The following TBCD variants were observed in gnomAD, a reference collection of about 807,000 sequenced individuals.
The protein encoded by TBCD is tubulin folding cofactor D.
A neutral mutation model predicts 169.3 loss-of-function variants in TBCD; 105 were observed. The ratio of observed to expected loss-of-function variants is 0.62; its 90% CI spans 0.53 to 0.73. The LOEUF (loss-of-function observed/expected upper bound fraction) is 0.73. TBCD is among the 30% of genes least tolerant of loss of function. The pLI, the probability that TBCD is intolerant of heterozygous loss-of-function variation, is 0.00. For missense variants in TBCD, 1,444 were observed against 1,600.1 expected (o/e 0.90, Z 1.66); for synonymous variants, 700 against 643.9 (o/e 1.09, Z -1.32).
intron 14 of TBCD, among the ~76,000 whole-genome samples, chr17:82,871,111 G>T (rs1004243032): frequency 6.6e-6 from 1 of 152,224 alleles, no homozygotes; most frequent in Non-Finnish European, 1.5e-5. Context: ...GAAGCTGTGC[G>T]GCCTGTGGCG....
At chr17:82,772,310 C>T in intron 5 of TBCD, 142 bp from the exon 6 acceptor site, 1 of 809,662 alleles carries the variant, frequency 1.2e-6, no homozygotes, top group Non-Finnish European at 2.1e-6. Flanking sequence ...TTTTTTGCAG[C>T]TTTGGACTTA....
chr17:82,816,173 G>A (rs914432396), intron 13 of TBCD, among the ~76,000 whole-genome samples: 3 of 152,120 alleles, frequency 2.0e-5, no homozygotes, highest in South Asian at 2.1e-4. Context: ...TTTGGCGTCC[G>A]AATTCTTCGG....
chr17:82,841,799 A>G (rs1040805563), intron 13 of TBCD, among the ~76,000 whole-genome samples: 2 of 152,022 alleles, frequency 1.3e-5, no homozygotes, highest in Non-Finnish European at 2.9e-5. Flanking sequence ...TCCGTGGGAG[A>G]AAGCTGGCAG....
chr17:82,920,958 C>A lies in TBCD; in HGVS notation c.2101+340C>A. 3.1e-6 allele frequency: 1 copy of A among 324,676 alleles called. No individual in the cohort carries two copies. The allele number at this position is 324,676 out of a possible 1,614,324, so 20.1% of individuals were successfully genotyped here. A position where few individuals can be genotyped will look rare whatever the true frequency, so the allele number is the denominator to read the frequency against. On this transcript the variant is annotated intron_variant, in intron 24 of 38. Coordinates refer to ENST00000355528, the MANE Select transcript of TBCD (RefSeq NM_005993.5). This position sits in a 1 kb window ranked among gnomAD's most constrained non-coding sequence, Gnocchi z 4.1. ...AGGCCCTCGTGGACCAGGAGCGTGCCGGCCGCCGACACCACGGACCCTGTG... is the reference window on the plus strand; with the variant it reads ...AGGCCCTCGTGGACCAGGAGCGTGCAGGCCGCCGACACCACGGACCCTGTG...
intron 36 of TBCD, among the ~76,000 whole-genome samples, chr17:82,938,620 C>T (rs1313994842): frequency 6.6e-6 from 1 of 152,242 alleles, no homozygotes; most frequent in African/African-American, 2.4e-5. Context: ...GGCTTGGCAC[C>T]TCTGGGGCTT....
intron 13 of TBCD, among the ~76,000 whole-genome samples, chr17:82,847,660 C>CA (rs1478905913): frequency 6.6e-6 from 1 of 152,276 alleles, no homozygotes; most frequent in East Asian, 1.9e-4. Flanking sequence ...CTTTTTGAGA[C>CA]AGAGTCTTGC....
At chr17:82,836,983 G>A (rs993013624) in intron 13 of TBCD, among the ~76,000 whole-genome samples, 1 of 152,164 alleles carries the variant, frequency 6.6e-6, no homozygotes, top group Admixed American at 6.5e-5. Flanking sequence ...AATTGGTGTC[G>A]ATATGGAGTC....
intron 7 of TBCD, chr17:82,795,696 G>A (rs182572051): frequency 1.8e-5 from 14 of 775,858 alleles, no homozygotes; most frequent in African/African-American, 1.1e-4. Flanking sequence ...TGCGTGGATC[G>A]ATTCTGTGGC....
intron 13 of TBCD, among the ~76,000 whole-genome samples, chr17:82,827,786 C>T (rs1244484547): frequency 6.6e-6 from 1 of 151,172 alleles, no homozygotes; most frequent in Non-Finnish European, 1.5e-5. Context: ...GATATGTACA[C>T]GTGGACACCC....
intron 13 of TBCD, among the ~76,000 whole-genome samples, chr17:82,856,077 A>AG (rs2056258829): frequency 7.7e-6 from 1 of 129,158 alleles, no homozygotes; most frequent in South Asian, 2.4e-4. Flanking sequence ...GCCTCAAATG[A>AG]TCCTCTCATC....
At chr17:82,851,712 G>A (rs1009328515) in intron 13 of TBCD, among the ~76,000 whole-genome samples, 1 of 152,230 alleles carries the variant, frequency 6.6e-6, no homozygotes, top group African/African-American at 2.4e-5. Flanking sequence ...CTCTTCGAGA[G>A]GGCTGATGGG....
intron 13 of TBCD, among the ~76,000 whole-genome samples, chr17:82,861,847 A>G (rs2056791731): frequency 6.6e-6 from 1 of 152,210 alleles, no homozygotes; most frequent in Non-Finnish European, 1.5e-5. Flanking sequence ...TTAGAAAGTA[A>G]GGTGCTTTCA....
At chr17:82,879,196 G>A (rs750219982) in intron 14 of TBCD, among the ~76,000 whole-genome samples, 2 of 150,884 alleles carry the variant, frequency 1.3e-5, no homozygotes, top group East Asian at 1.9e-4. Context: ...ACATCCTCTC[G>A]GTGGAGAACA....
intron 13 of TBCD, among the ~76,000 whole-genome samples, chr17:82,827,999 A>G (rs8067667): frequency 0.24 from 36,348 of 148,872 alleles, 4,581 homozygotes; most frequent in East Asian, 0.46. Context: ...AATCGAACGC[A>G]CACACACCTG....
chr17:82,803,044 T>C (rs146565094), intron 9 of TBCD, among the ~76,000 whole-genome samples: 1 of 152,378 alleles, frequency 6.6e-6, no homozygotes, highest in African/African-American at 2.4e-5. Flanking sequence ...TCTAACTTTT[T>C]TCCATTTTTA....
rs1352212827 is a variant in TBCD, at chr17:82,806,847, C to T, written c.1088-761C>T. ...TGACCTTTGCTTCTCAGAGCCCTCC[C>T]TGGTTGCGTGGTAGGCGCCCGCATC... On this transcript the variant is annotated intron_variant, in intron 10 of 38. Coordinates refer to ENST00000355528, the MANE Select transcript of TBCD (RefSeq NM_005993.5). The surrounding 1 kb of genome is among the most constrained non-coding windows in gnomAD (Gnocchi z 5.1). 6.6e-6 allele frequency among the ~76,000 whole-genome samples: 1 copy of T among 152,216 alleles called. No homozygotes were observed. Among genetic ancestry groups the T allele is most frequent in the East Asian group, 1.9e-4 (1 of 5,182 alleles).
rs892201931 is a variant in TBCD, at chr17:82,930,841, C to G, written c.3113+198C>G. 5.9e-5 allele frequency among the ~76,000 whole-genome samples: 9 copies of G among 152,232 alleles called. No individual in the cohort carries two copies. The highest frequency in any genetic ancestry group is 1.2e-4 in the Non-Finnish European group (8 of 68,052). ...TCTCCGGGCGGCCAGGCCTCAGCCC[C>G]TGCGCCTCCTCTTCTAGCCTCCACA... On this transcript the variant is annotated intron_variant, in intron 33 of 38. Transcript: ENST00000355528. The surrounding 1 kb of genome is among the most constrained non-coding windows in gnomAD (Gnocchi z 5.2).
At position 82,929,153 on chromosome 17, in the gene TBCD, G is replaced by A; in HGVS notation, c.2734G>A (p.Glu912Lys). ...IMCCVAQQAS[E>K]KIDRFRAHAA... ...GTGCTGTGTGGCCCAGCAGGCCAGT[G>A]AGAAGATTGACCGTTTCCGTGCTCA... Residue 912 changes from glutamate to lysine, a missense_variant, in exon 31 of 39, where the codon GAG becomes AAG. Physicochemically the swap from Glu to Lys is moderately conservative, Grantham distance 56. Transcript: ENST00000355528. The A allele has an allele frequency of 1.2e-6, 2 of 1,613,216 alleles. No individual in the cohort carries two copies. The highest frequency in any genetic ancestry group is 2.2e-5 in the East Asian group (1 of 44,864).
chr17:82,833,480 A>G lies in TBCD; in HGVS notation c.1318+18546A>G, dbSNP rs1473875775. ...TTAAGTAGCATTTATGTTGTCTCAG[A>G]TATGAATACAAATGCTATATTTATG... On this transcript the variant is annotated intron_variant, in intron 13 of 38. Coordinates refer to ENST00000355528, the MANE Select transcript of TBCD (RefSeq NM_005993.5). The surrounding 1 kb of genome is among the most constrained non-coding windows in gnomAD (Gnocchi z 4.7). Among the ~76,000 whole-genome samples the G allele has an allele frequency of 6.6e-6, 1 of 152,238 alleles. No homozygotes were observed. Among genetic ancestry groups the G allele is most frequent in the Non-Finnish European group, 1.5e-5 (1 of 68,042 alleles).
Sources: allele counts gnomAD v4.1 joint callset (sites outside exome capture counted in the v4.1 genomes callset), GRCh38; gene constraint gnomAD v4.1.1; non-coding constraint Gnocchi (gnomAD v3.1); transcripts MANE v1.5; gene names NCBI Gene and HGNC (gene_info 2026-07-23, HGNC 2026-07-21).